Variants in D2HGDH observed in about 807,000 individuals in gnomAD.
D2HGDH encodes D-2-hydroxyglutarate dehydrogenase, mitochondrial.
D2HGDH carries 31 observed loss-of-function variants against 46.9 expected under a neutral mutation model. The ratio of observed to expected loss-of-function variants is 0.66; its 90% CI spans 0.50 to 0.89. D2HGDH has a LOEUF of 0.89. Ranked by LOEUF, D2HGDH falls within the 40% of genes least tolerant of loss-of-function variation. D2HGDH has a pLI of 0.00. For synonymous variants in D2HGDH, 364 were observed against 332.6 expected (o/e 1.09, Z -1.03); for missense variants, 698 against 720.8 (o/e 0.97, Z 0.36).
chr2:241,762,916 C>T (rs1457192079), intron 9 of D2HGDH, among the ~76,000 whole-genome samples: 1 of 152,188 alleles, frequency 6.6e-6, no homozygotes, highest in Non-Finnish European at 1.5e-5. Context: ...TGATTCTGAC[C>T]TTAGCCGTGG....
At chr2:241,754,970 T>C (rs1559388117) in intron 8 of D2HGDH, 1 of 1,211,416 alleles carries the variant, frequency 8.3e-7, no homozygotes, top group East Asian at 5.9e-5. Context: ...GCTTGAGCCC[T>C]GGGTAGGACC....
intron 6 of D2HGDH, chr2:241,749,662 C>A (rs1484711411): frequency 1.5e-5 from 5 of 324,032 alleles, no homozygotes; most frequent in Admixed American, 9.1e-5. Flanking sequence ...TTGCAGAATT[C>A]CCAAGATACG....
At chr2:241,744,687 A>T in intron 5 of D2HGDH, 22 bp from the exon 6 acceptor site, 1 of 1,614,140 alleles carries the variant, frequency 6.2e-7, no homozygotes, top group Non-Finnish European at 8.5e-7. Context: ...AGGTGGGTGA[A>T]CGTGCTTCTC....
At chr2:241,760,720 C>T (rs1698724193) in intron 9 of D2HGDH, among the ~76,000 whole-genome samples, 1 of 152,268 alleles carries the variant, frequency 6.6e-6, no homozygotes, top group African/African-American at 2.4e-5. Context: ...AGTCGAAGGC[C>T]ACAAGAGCAG....
chr2:241,750,280 C>T lies in D2HGDH; in HGVS notation c.983C>T (p.Ala328Val), dbSNP rs751879599. ...CTGGTCGGGCGCCATCTCCACCTGG[C>T]CAGCCCGGTGCAAGGTACTGACCCC... ...MQLVGRHLHL[A>V]SPVQESPFYV... The change falls in exon 7 of 10, where the codon GCC becomes GTC. Residue 328 changes from alanine to valine, a missense_variant. Transcript: ENST00000321264. The T allele has an allele frequency of 6.2e-7, 1 of 1,613,332 alleles. No individual in the cohort carries two copies. Among genetic ancestry groups the T allele is most frequent in the Admixed American group, 1.7e-5 (1 of 60,032 alleles).
At chr2:241,748,920 G>A (rs937327145) in intron 6 of D2HGDH, 2 of 1,296,088 alleles carry the variant, frequency 1.5e-6, no homozygotes, top group Non-Finnish European at 1.0e-6. Flanking sequence ...CCCGGCTGCC[G>A]CATCCTGCTC....
intron 5 of D2HGDH, 130 bp from the exon 6 acceptor site, chr2:241,744,579 G>A (rs1695378855): frequency 2.6e-6 from 3 of 1,160,154 alleles, no homozygotes; most frequent in Admixed American, 3.7e-5. Context: ...ACTCGTACAG[G>A]AGGAAAGTCC....
chr2:241,763,029 T>C (rs1328383197), intron 9 of D2HGDH, among the ~76,000 whole-genome samples: 2 of 152,208 alleles, frequency 1.3e-5, no homozygotes, highest in East Asian at 3.8e-4. Flanking sequence ...GGTTTGCTTC[T>C]GCAGTGGGTG....
chr2:241,756,103 A>G (rs1413174146), intron 9 of D2HGDH, 89 bp downstream of exon 9: 2 of 1,478,608 alleles, frequency 1.4e-6, no homozygotes, highest in African/African-American at 2.8e-5. Flanking sequence ...GAGGCAGGGC[A>G]GTTTGACCAT....
chr2:241,749,980 A>G (rs544548630), intron 6 of D2HGDH, 171 bp from the exon 7 acceptor site: 2 of 900,368 alleles, frequency 2.2e-6, no homozygotes, highest in African/African-American at 3.3e-5. Flanking sequence ...CCAGGCGTGC[A>G]CCTGCCAGGC....
intron 9 of D2HGDH, among the ~76,000 whole-genome samples, chr2:241,757,108 A>T (rs1305924450): frequency 6.6e-6 from 1 of 152,216 alleles, no homozygotes; most frequent in Non-Finnish European, 1.5e-5. Flanking sequence ...GTGCTGTCCC[A>T]GGCATTATTC....
rs371335615 is a variant in D2HGDH at position 241,742,364 on chromosome 2, C to T, written c.351-71C>T. On this transcript the variant is annotated intron_variant, in intron 3 of 9. Coordinates refer to ENST00000321264, the MANE Select transcript of D2HGDH (RefSeq NM_152783.5). This position sits in a 1 kb window ranked among gnomAD's most constrained non-coding sequence, Gnocchi z 4.8. The stretch of plus-strand genomic sequence containing the variant: ...GATTTGGAGTCAGGCACTGGTCCTG[C>T]GGCGTGTCCTTGGGGATGGTGGCGT... 25 of 1,524,208 alleles carry T rather than the reference C, an allele frequency of 1.6e-5. No individual in the cohort carries two copies. Among genetic ancestry groups the T allele is most frequent in the African/African-American group, 5.5e-5 (4 of 72,690 alleles). 94.4% of individuals were successfully genotyped at this position (1,524,208 alleles called of 1,614,324 possible).
At chr2:241,749,994 C>T in intron 6 of D2HGDH, 157 bp from the exon 7 acceptor site, 3 of 1,088,560 alleles carry the variant, frequency 2.8e-6, no homozygotes, top group South Asian at 1.4e-5. Context: ...GCCAGGCAAA[C>T]CCTGGGCTGT....
At chr2:241,760,420 CTT>C (rs1291892905) in intron 9 of D2HGDH, among the ~76,000 whole-genome samples, 2 of 128,628 alleles carry the variant, frequency 1.6e-5, no homozygotes, top group African/African-American at 6.0e-5. Context: ...CAGTCGAAGG[CTT>C]TTTGCCACAG....
chr2:241,745,744 G>A (rs537984464), intron 6 of D2HGDH, among the ~76,000 whole-genome samples: 1 of 152,170 alleles, frequency 6.6e-6, no homozygotes, highest in Non-Finnish European at 1.5e-5. Flanking sequence ...TGCAGTAAAG[G>A]TCTCCTGGTG....
At chr2:241,755,423 C>T (rs1278616613) in intron 8 of D2HGDH, 3 of 1,308,054 alleles carry the variant, frequency 2.3e-6, no homozygotes, top group Admixed American at 4.6e-5. Flanking sequence ...TTCTCATCCT[C>T]AGGGCCTTCC....
intron 9 of D2HGDH, among the ~76,000 whole-genome samples, chr2:241,764,406 A>G (rs1357947261): frequency 1.3e-5 from 2 of 152,240 alleles, no homozygotes. Context: ...GGAATGAGTG[A>G]TTCTCAAAGA....
At chr2:241,763,586 C>G (rs908003783) in intron 9 of D2HGDH, among the ~76,000 whole-genome samples, 1 of 152,150 alleles carries the variant, frequency 6.6e-6, no homozygotes, top group Non-Finnish European at 1.5e-5. Flanking sequence ...CCACACTAAA[C>G]TGATATTAAC....
chr2:241,767,735 GAC>G lies in D2HGDH; in HGVS notation c.1333_1334del (p.Thr445GlyfsTer103), dbSNP rs1699270388. The G allele has an allele frequency of 6.2e-7, 1 of 1,612,802 alleles. No individual in the cohort carries two copies. The highest frequency in any genetic ancestry group is 8.5e-7 in the Non-Finnish European group (1 of 1,179,604). On this transcript the variant is annotated frameshift_variant, in exon 10 of 10. Transcript: ENST00000321264. LOFTEE classifies it high-confidence loss of function. ...GAGATGGTAACCTGCACCTCAATGT[GAC>G]GGCGGAGGCCTTCAGCCCCTCGCTC... ...LGDGNLHLNV[T>X]AEAFSPSLLA... is the part of the protein sequence containing the mutation.
Sources: allele counts gnomAD v4.1 joint callset (sites outside exome capture counted in the v4.1 genomes callset), GRCh38; gene constraint gnomAD v4.1.1; non-coding constraint Gnocchi (gnomAD v3.1); transcripts MANE v1.5; gene names NCBI Gene and HGNC (gene_info 2026-07-23, HGNC 2026-07-21).